WWOX: variants seen among roughly 807,000 people sequenced by gnomAD.
WWOX encodes WW domain containing oxidoreductase.
A neutral mutation model predicts 46.2 loss-of-function variants in WWOX; 69 were observed. That is an observed-to-expected ratio of 1.49 (90% CI 1.23 to 1.82). WWOX has a LOEUF of 1.82. WWOX is among the 40% of genes most tolerant of loss of function. WWOX has a pLI of 0.00. For synonymous variants in WWOX, 359 were observed against 202.6 expected (o/e 1.77, Z -6.56); for missense variants, 919 against 542.6 (o/e 1.69, Z -6.89).
intron 8 of WWOX, among the ~76,000 whole-genome samples, chr16:78,622,092 C>T (rs1339149049): frequency 1.3e-5 from 2 of 152,176 alleles, no homozygotes; most frequent in South Asian, 4.1e-4. Flanking sequence ...TATTTTATTA[C>T]ATCATACCTG....
chr16:78,449,355 G>A (rs2083636594), intron 8 of WWOX, among the ~76,000 whole-genome samples: 1 of 152,170 alleles, frequency 6.6e-6, no homozygotes, highest in Non-Finnish European at 1.5e-5. Context: ...GGAAATCACT[G>A]AGTCTGATCG....
chr16:78,730,358 A>G (rs553097368), intron 8 of WWOX, among the ~76,000 whole-genome samples: 12 of 151,852 alleles, frequency 7.9e-5, no homozygotes, highest in African/African-American at 2.7e-4. Flanking sequence ...CAGCATTATC[A>G]TATAAGCCAC....
At chr16:78,539,616 C>T (rs548543863) in intron 8 of WWOX, among the ~76,000 whole-genome samples, 33 of 152,306 alleles carry the variant, frequency 2.2e-4, no homozygotes, top group African/African-American at 2.9e-4. Context: ...TTCTCTTCCA[C>T]GTGTGGACAG....
rs568185251 is a variant in WWOX, at chr16:78,795,362, T to C, written c.1056+362610T>C. ...TGAAAGCTGACTCTTTAACACCATA[T>C]GCTTCTGTCTTCCTGGCTGTTTTGT... On this transcript the variant is annotated intron_variant, in intron 8 of 8. Transcript: ENST00000566780. Among the ~76,000 whole-genome samples, 4 of 152,308 alleles carry C rather than the reference T, an allele frequency of 2.6e-5. No individual in the cohort carries two copies. The East Asian group carries it at 7.7e-4, about 29-fold the overall frequency.
At chr16:78,451,060 C>G (rs1233855088) in intron 8 of WWOX, among the ~76,000 whole-genome samples, 1 of 152,202 alleles carries the variant, frequency 6.6e-6, no homozygotes, top group East Asian at 1.9e-4. Flanking sequence ...TCCCGTTATA[C>G]TTAAGCTTGT....
At chr16:78,819,399 T>C (rs1024099899) in intron 8 of WWOX, among the ~76,000 whole-genome samples, 1 of 152,210 alleles carries the variant, frequency 6.6e-6, no homozygotes, top group African/African-American at 2.4e-5. Flanking sequence ...CAGTTTACAA[T>C]TTCCATGGCA....
intron 8 of WWOX, among the ~76,000 whole-genome samples, chr16:78,739,958 A>G (rs1256589982): frequency 6.6e-6 from 1 of 151,960 alleles, no homozygotes; most frequent in East Asian, 1.9e-4. Context: ...CAGTCAACTT[A>G]CTCTCTCTAA....
intron 8 of WWOX, among the ~76,000 whole-genome samples, chr16:79,071,186 A>G (rs1199613934): frequency 6.6e-6 from 1 of 152,192 alleles, no homozygotes; most frequent in African/African-American, 2.4e-5. Context: ...TGATGAACAC[A>G]GTTAAGGGGC....
chr16:78,747,411 G>A (rs1386969843), intron 8 of WWOX, among the ~76,000 whole-genome samples: 1 of 151,944 alleles, frequency 6.6e-6, no homozygotes, highest in African/African-American at 2.4e-5. Context: ...GGCCTACCCT[G>A]ACCATCCTAC....
At chr16:78,670,336 T>C (rs1334587186) in intron 8 of WWOX, among the ~76,000 whole-genome samples, 1 of 152,182 alleles carries the variant, frequency 6.6e-6, no homozygotes, top group Non-Finnish European at 1.5e-5. Context: ...GGAAACACCT[T>C]TCCAAGCTCC....
intron 5 of WWOX, among the ~76,000 whole-genome samples, chr16:78,210,253 A>T (rs1271224399): frequency 6.6e-6 from 1 of 152,178 alleles, no homozygotes; most frequent in Non-Finnish European, 1.5e-5. Flanking sequence ...GAAAAATTAA[A>T]TTGTATATTG....
rs1229937715 is a variant in WWOX, at chr16:78,422,672, TATATATATATATAC to T, written c.606-2196_606-2183del. Among the ~76,000 whole-genome samples, 5 of 65,522 alleles carry T rather than the reference TATATATATATATAC, an allele frequency of 7.6e-5. 1 individual carries two copies. The highest frequency in any genetic ancestry group is 3.2e-4 in the African/African-American group (5 of 15,498). 43.0% of individuals were successfully genotyped at this position (65,522 alleles called of 152,430 possible). A position where few individuals can be genotyped will look rare whatever the true frequency, so the allele number is the denominator to read the frequency against. Reference sequence around the variant, plus strand: ...CCTGTTTTTTTTACATGTATATATATATATATATATATACACACACACACACACATATATATATA... The same window carrying T: ...CCTGTTTTTTTTACATGTATATATATACACACACACACACATATATATATA... On this transcript the variant is annotated intron_variant, in intron 6 of 8. Transcript: ENST00000566780.
At chr16:78,409,407 C>G (rs529577503) in intron 6 of WWOX, among the ~76,000 whole-genome samples, 21 of 152,140 alleles carry the variant, frequency 1.4e-4, no homozygotes, top group African/African-American at 5.1e-4. Flanking sequence ...AACCATTGAT[C>G]TTTTTTCTGT....
intron 8 of WWOX, among the ~76,000 whole-genome samples, chr16:78,889,679 G>A (rs1205285985): frequency 6.6e-6 from 1 of 152,116 alleles, no homozygotes; most frequent in Non-Finnish European, 1.5e-5. Context: ...ATATTTGTGA[G>A]CAAACTCTCA....
chr16:78,999,140 T>G (rs1201193842), intron 8 of WWOX, among the ~76,000 whole-genome samples: 3 of 150,690 alleles, frequency 2.0e-5, no homozygotes, highest in Non-Finnish European at 4.4e-5. Flanking sequence ...TGGCTGATGC[T>G]TCTTCTTTTT....
intron 7 of WWOX, among the ~76,000 whole-genome samples, chr16:78,430,620 G>C (rs2083194595): frequency 6.6e-6 from 1 of 152,172 alleles, no homozygotes; most frequent in Non-Finnish European, 1.5e-5. Context: ...ATTGCCTGCT[G>C]AGTTCCATTG....
chr16:78,697,283 A>C (rs975974438), intron 8 of WWOX, among the ~76,000 whole-genome samples: 5 of 152,192 alleles, frequency 3.3e-5, no homozygotes, highest in Non-Finnish European at 5.9e-5. Flanking sequence ...TCCCACCAGC[A>C]GTGTAGAAGT....
intron 8 of WWOX, among the ~76,000 whole-genome samples, chr16:78,769,784 A>C (rs1480261976): frequency 6.6e-6 from 1 of 151,572 alleles, no homozygotes; most frequent in East Asian, 1.9e-4. Flanking sequence ...AGGTGGAAGG[A>C]TCGCCTGAGT....
intron 4 of WWOX, among the ~76,000 whole-genome samples, chr16:78,156,757 C>G (rs1320613306): frequency 6.6e-6 from 1 of 151,988 alleles, no homozygotes; most frequent in African/African-American, 2.4e-5. Context: ...AATCCCGTCT[C>G]TACTAAAAAT....
Sources: allele counts gnomAD v4.1 joint callset (sites outside exome capture counted in the v4.1 genomes callset), GRCh38; gene constraint gnomAD v4.1.1; transcripts MANE v1.5; gene names NCBI Gene and HGNC (gene_info 2026-07-23, HGNC 2026-07-21).